CDKAL1: variants seen among roughly 807,000 people sequenced by gnomAD.
CDKAL1 encodes CDKAL1 threonylcarbamoyladenosine tRNA methylthiotransferase, also known as threonylcarbamoyladenosine tRNA methylthiotransferase.
A neutral mutation model predicts 68.2 loss-of-function variants in CDKAL1; 32 were observed. The ratio of observed to expected loss-of-function variants is 0.47; its 90% CI spans 0.35 to 0.63. CDKAL1 has a LOEUF of 0.63. Among genes scored for constraint, CDKAL1 ranks in the 30% least tolerant of loss-of-function variants. The pLI is 0.00. For missense variants in CDKAL1, 606 were observed against 696.7 expected, an observed-to-expected ratio of 0.87 and a Z score of 1.47; for synonymous variants, 234 against 244.3, an observed-to-expected ratio of 0.96 and a Z score of 0.39.
chr6:21,182,228 A>G (rs1341613228), intron 13 of CDKAL1, among the ~76,000 whole-genome samples: 1 of 152,224 alleles, frequency 6.6e-6, no homozygotes, highest in Non-Finnish European at 1.5e-5. Flanking sequence ...AAATTATAGA[A>G]TTAAATTTTT....
intron 8 of CDKAL1, among the ~76,000 whole-genome samples, chr6:20,822,674 T>C (rs1217907278): frequency 6.6e-6 from 1 of 152,138 alleles, no homozygotes; most frequent in Non-Finnish European, 1.5e-5. Flanking sequence ...TTCCCCAATG[T>C]TGTTCTCATG....
intron 8 of CDKAL1, among the ~76,000 whole-genome samples, chr6:20,799,494 A>AATAC (rs531487260): frequency 0.044 from 603 of 13,632 alleles, 8 homozygotes; most frequent in African/African-American, 0.12. Context: ...CCACTAAAAT[A>AATAC]ATAAATAAGA....
intron 2 of CDKAL1, among the ~76,000 whole-genome samples, chr6:20,541,389 T>C (rs1420990431): frequency 6.6e-6 from 1 of 152,212 alleles, no homozygotes; most frequent in African/African-American, 2.4e-5. Context: ...TAGATCTTAT[T>C]AGGCTTCATT....
intron 8 of CDKAL1, among the ~76,000 whole-genome samples, chr6:20,784,408 A>ATTTT (rs1402113263): frequency 2.0e-3 from 46 of 22,980 alleles, no homozygotes; most frequent in Non-Finnish European, 2.5e-3. Context: ...CAGATATTTT[A>ATTTT]TTTCTTTTTT....
chr6:21,169,389 C>T (rs1235085568), intron 13 of CDKAL1, among the ~76,000 whole-genome samples: 1 of 152,218 alleles, frequency 6.6e-6, no homozygotes, highest in Admixed American at 6.5e-5. Flanking sequence ...AATCCCAGCA[C>T]TTTGGGAGGC....
intron 4 of CDKAL1, among the ~76,000 whole-genome samples, chr6:20,626,585 A>T (rs909491755): frequency 6.6e-6 from 1 of 152,200 alleles, no homozygotes; most frequent in Non-Finnish European, 1.5e-5. Context: ...ATATAGAGAT[A>T]CTTTTCATTG....
At chr6:20,570,546 A>G (rs10946390) in intron 4 of CDKAL1, among the ~76,000 whole-genome samples, 44,179 of 152,046 alleles carry the variant, frequency 0.29, 6,556 homozygotes, top group Middle Eastern at 0.37. Flanking sequence ...GACTACAGGC[A>G]TCTGCCACCA....
chr6:20,888,501 C>G (rs1164901150), intron 9 of CDKAL1, among the ~76,000 whole-genome samples: 3 of 145,030 alleles, frequency 2.1e-5, no homozygotes, highest in Non-Finnish European at 4.5e-5. Flanking sequence ...GGTATATCTC[C>G]TAATGCTATC....
intron 5 of CDKAL1, among the ~76,000 whole-genome samples, chr6:20,707,580 T>C (rs1771659471): frequency 6.6e-6 from 1 of 152,198 alleles, no homozygotes; most frequent in Non-Finnish European, 1.5e-5. Context: ...GTGATTAAAC[T>C]GGAATACTTT....
At chr6:21,197,032 C>T (rs1778498889) in intron 13 of CDKAL1, among the ~76,000 whole-genome samples, 1 of 152,050 alleles carries the variant, frequency 6.6e-6, no homozygotes, top group South Asian at 2.1e-4. Context: ...GTGGCGCATG[C>T]CTGTAATCCC....
chr6:20,809,362 T>G (rs1475952908), intron 8 of CDKAL1, among the ~76,000 whole-genome samples: 1 of 152,190 alleles, frequency 6.6e-6, no homozygotes, highest in East Asian at 1.9e-4. Flanking sequence ...TTTTTAACTT[T>G]TTTGGGTGTC....
At chr6:20,577,538 A>G (rs1012625) in intron 4 of CDKAL1, among the ~76,000 whole-genome samples, 125,561 of 152,168 alleles carry the variant, frequency 0.83, 52,427 homozygotes, top group African/African-American at 0.96. Flanking sequence ...TCATCTTTGT[A>G]TTTTCAGTAC....
chr6:20,907,901 A>C (rs1156940978), intron 9 of CDKAL1, among the ~76,000 whole-genome samples: 1 of 152,226 alleles, frequency 6.6e-6, no homozygotes, highest in Non-Finnish European at 1.5e-5. Flanking sequence ...AATAGGGTCC[A>C]CTGGGGCAGA....
intron 11 of CDKAL1, among the ~76,000 whole-genome samples, chr6:21,047,609 T>A (rs1177405833): frequency 1.3e-5 from 2 of 152,202 alleles, no homozygotes; most frequent in Non-Finnish European, 2.9e-5. Flanking sequence ...TATGTGGCTG[T>A]TGCCTCATTA....
At chr6:21,018,431 C>T (rs973706935) in intron 11 of CDKAL1, among the ~76,000 whole-genome samples, 7 of 152,142 alleles carry the variant, frequency 4.6e-5, no homozygotes, top group African/African-American at 1.7e-4. Context: ...TTACCTAAAA[C>T]GGAGTGCTAA....
At chr6:20,615,087 T>C (rs1766829029) in intron 4 of CDKAL1, among the ~76,000 whole-genome samples, 1 of 125,676 alleles carries the variant, frequency 8.0e-6, no homozygotes, top group African/African-American at 3.0e-5. Context: ...ATTTCATCCA[T>C]GTCCCTACAA....
intron 10 of CDKAL1, among the ~76,000 whole-genome samples, chr6:20,999,581 G>A (rs76076979): frequency 1.5e-3 from 218 of 149,352 alleles, no homozygotes; most frequent in African/African-American, 5.1e-3. Flanking sequence ...GTTAGTAGGT[G>A]CCCAGTGGTG....
intron 8 of CDKAL1, among the ~76,000 whole-genome samples, chr6:20,788,955 TTTG>T (rs1775787806): frequency 6.6e-6 from 1 of 152,212 alleles, no homozygotes; most frequent in African/African-American, 2.4e-5. Flanking sequence ...TCCATAAATG[TTTG>T]TTAAGTATTT....
intron 9 of CDKAL1, among the ~76,000 whole-genome samples, chr6:20,900,169 T>A (rs979747017): frequency 2.0e-5 from 3 of 152,186 alleles, no homozygotes; most frequent in African/African-American, 7.2e-5. Flanking sequence ...TCCTTTCGAT[T>A]TATACTATAT....
Sources: gnomAD v4.1 joint callset for allele counts (sites outside exome capture counted in the v4.1 genomes callset) on GRCh38, gnomAD v4.1.1 for gene constraint, MANE v1.5 for transcripts, NCBI Gene and HGNC (gene_info 2026-07-23, HGNC 2026-07-21) for gene names.